CHEK2: variants seen among roughly 807,000 people sequenced by gnomAD.
CHEK2 encodes serine/threonine-protein kinase Chk2.
CHEK2 carries 71 observed loss-of-function variants against 69.1 expected under a neutral mutation model. That is an observed-to-expected ratio of 1.03 (90% CI 0.85 to 1.25). The LOEUF (loss-of-function observed/expected upper bound fraction) is 1.25. Ranked by LOEUF, CHEK2 falls within the 50% of genes most tolerant of loss-of-function variation. The pLI is 0.00. For missense variants in CHEK2, 664 were observed against 649.6 expected (o/e 1.02, Z -0.24); for synonymous variants, 189 against 226.9 (o/e 0.83, Z 1.50).
intron 4 of CHEK2, chr22:28,724,472 C>G: frequency 4.5e-6 from 1 of 221,366 alleles, no homozygotes; most frequent in East Asian, 1.1e-4. Context: ...ACCAATTAAA[C>G]CTTAAAACCT....
intron 2 of CHEK2, among the ~76,000 whole-genome samples, chr22:28,729,074 C>T (rs2054104894): frequency 6.6e-6 from 1 of 152,116 alleles, no homozygotes; most frequent in Admixed American, 6.6e-5. Context: ...CGAAGAAATT[C>T]GGAACGGAAC....
In CHEK2 at chr22:28,724,963, G is replaced by T; in HGVS notation, c.592+14C>A. The T allele has an allele frequency of 6.2e-7, 1 of 1,613,430 alleles. No individual in the cohort carries two copies. The highest frequency in any genetic ancestry group is 8.5e-7 in the Non-Finnish European group (1 of 1,179,542). ...AAAAAAAAAATTCCAGTAACCATAA[G>T]ATAATAATATTACCTTTATTTCTGC... is the stretch of plus-strand genomic sequence containing the variant. On this transcript the variant is annotated intron_variant, in intron 4 of 14. Transcript: ENST00000404276.
At chr22:28,713,261 C>A (rs2053468945) in intron 5 of CHEK2, among the ~76,000 whole-genome samples, 1 of 151,982 alleles carries the variant, frequency 6.6e-6, no homozygotes, top group Non-Finnish European at 1.5e-5. Flanking sequence ...ATGGTTTCTT[C>A]AGTATGACAA....
chr22:28,736,595 CG>C (rs1429582112), intron 1 of CHEK2, among the ~76,000 whole-genome samples: 1 of 152,164 alleles, frequency 6.6e-6, no homozygotes, highest in Non-Finnish European at 1.5e-5. Flanking sequence ...AACTGGAGAC[CG>C]TAACAGAGGC....
chr22:28,711,497 A>C (rs1235475097), intron 6 of CHEK2, among the ~76,000 whole-genome samples: 1 of 152,224 alleles, frequency 6.6e-6, no homozygotes, highest in African/African-American at 2.4e-5. Context: ...AGATGATTTC[A>C]ACCATCTAAA....
intron 10 of CHEK2, 85 bp from the exon 11 acceptor site, chr22:28,695,958 T>C (rs2145808790): frequency 9.5e-7 from 1 of 1,053,434 alleles, no homozygotes; most frequent in Non-Finnish European, 1.5e-6. Context: ...AGAAGACACG[T>C]AGGCTAGATC....
intron 6 of CHEK2, among the ~76,000 whole-genome samples, chr22:28,710,983 A>T (rs532562321): frequency 2.0e-5 from 3 of 152,358 alleles, no homozygotes; most frequent in Non-Finnish European, 2.9e-5. Context: ...GATCTATAAC[A>T]AAGTGAACAC....
intron 8 of CHEK2, among the ~76,000 whole-genome samples, chr22:28,702,786 A>G (rs953936374): frequency 6.6e-6 from 1 of 151,838 alleles, no homozygotes; most frequent in Non-Finnish European, 1.5e-5. Flanking sequence ...ACCTCAGGTG[A>G]TCCACCCACC....
intron 2 of CHEK2, chr22:28,729,362 GA>G (rs2078967245): frequency 5.3e-6 from 1 of 188,822 alleles, no homozygotes; most frequent in Admixed American, 6.3e-5. Flanking sequence ...CTAACACGGT[GA>G]AACCCCGTCT....
intron 10 of CHEK2, among the ~76,000 whole-genome samples, chr22:28,696,076 G>A (rs1258462960): frequency 6.6e-6 from 1 of 152,100 alleles, no homozygotes; most frequent in Non-Finnish European, 1.5e-5. Flanking sequence ...CTGAGCCTAG[G>A]AATCTCAACA....
chr22:28,718,369 G>C (rs1325819264), intron 5 of CHEK2, among the ~76,000 whole-genome samples: 1 of 152,064 alleles, frequency 6.6e-6, no homozygotes, highest in Non-Finnish European at 1.5e-5. Context: ...ATAGTATAAA[G>C]GTTCCCCAAA....
In CHEK2 at chr22:28,734,447, G is replaced by A. The variant is rs779269031; in HGVS notation, c.275C>T (p.Pro92Leu). ...DQEPEEPTPAPWARLWALQDG... is the reference protein window; with the variant it reads ...DQEPEEPTPALWARLWALQDG... ...CTGAAGGGCCCATAATCGAGCCCAG[G>A]GGGCAGGGGTAGGCTCCTCAGGTTC... The change falls in exon 2 of 15, where the codon CCC (proline) becomes CTC (leucine). Residue 92 changes from proline to leucine, a missense_variant. Transcript: ENST00000404276. 7 of 1,614,016 alleles carry A rather than the reference G, an allele frequency of 4.3e-6. No individual in the cohort carries two copies. Among genetic ancestry groups the A allele is most frequent in the Non-Finnish European group, 5.1e-6 (6 of 1,179,950 alleles).
At chr22:28,688,099 C>G in intron 14 of CHEK2, 113 bp from the exon 15 acceptor site, 1 of 855,848 alleles carries the variant, frequency 1.2e-6, no homozygotes, top group Middle Eastern at 3.4e-4. Flanking sequence ...ATGTGAAATT[C>G]TAGAACCAAA....
chr22:28,717,871 A>G (rs2053638202), intron 5 of CHEK2, among the ~76,000 whole-genome samples: 4 of 152,136 alleles, frequency 2.6e-5, no homozygotes. Context: ...ACAAGAGACC[A>G]CACCATTGCC....
intron 8 of CHEK2, among the ~76,000 whole-genome samples, chr22:28,701,747 G>C (rs1296594644): frequency 1.3e-5 from 2 of 151,944 alleles, no homozygotes; most frequent in Non-Finnish European, 2.9e-5. Context: ...AGATACTCAG[G>C]TGCCACCATG....
rs755127902 is a variant in CHEK2 at position 28,695,867 on chromosome 22, C to T, written c.1102G>A (p.Asp368Asn). ...QEEDCLIKIT[D>N]FGHSKILGET... ...CCCAAAATCTTGGAGTGCCCAAAAT[C>T]AGTAATCTAAAATTCAGTACAAAAG... Residue 368 changes from aspartate (D) to asparagine (N), a missense_variant, in exon 11 of 15, where the codon GAT (aspartate) becomes AAT (asparagine). Asp to Asn is a conservative substitution (Grantham distance 23, BLOSUM62 1). Transcript: ENST00000404276. 2 of 1,611,660 alleles carry T rather than the reference C, an allele frequency of 1.2e-6. No homozygotes were observed. The highest frequency in any genetic ancestry group is 1.7e-6 in the Non-Finnish European group (2 of 1,177,854).
At chr22:28,700,003 A>G (rs749720722) in intron 8 of CHEK2, 66 bp from the exon 9 acceptor site, 26 of 999,030 alleles carry the variant, frequency 2.6e-5, no homozygotes, top group Non-Finnish European at 3.6e-5. Context: ...AGAAGACAAT[A>G]AAACAACAAA....
At chr22:28,734,156 T>G (rs1450728903) in intron 2 of CHEK2, among the ~76,000 whole-genome samples, 1 of 152,098 alleles carries the variant, frequency 6.6e-6, no homozygotes, top group African/African-American at 2.4e-5. Context: ...CCCAGAAGAC[T>G]TTGCTACAAG....
intron 4 of CHEK2, among the ~76,000 whole-genome samples, chr22:28,722,377 A>G (rs2053818175): frequency 6.6e-6 from 1 of 151,632 alleles, no homozygotes; most frequent in African/African-American, 2.4e-5. Flanking sequence ...CGTCTCTACT[A>G]AAAATACAAA....
Sources: allele counts gnomAD v4.1 joint callset (sites outside exome capture counted in the v4.1 genomes callset), GRCh38; gene constraint gnomAD v4.1.1; transcripts MANE v1.5; gene names NCBI Gene and HGNC (gene_info 2026-07-23, HGNC 2026-07-21).